The following ATRNL1 variants were observed in gnomAD, a reference collection of about 807,000 sequenced individuals.
ATRNL1 encodes the protein attractin-like protein 1.
In ATRNL1, 95 loss-of-function variants were observed where a neutral mutation model predicts 182.7. The ratio of observed to expected loss-of-function variants is 0.52; its 90% confidence interval spans 0.44 to 0.62. The LOEUF is 0.62. Ranked by LOEUF, ATRNL1 falls within the 20% of genes least tolerant of loss-of-function variation. ATRNL1 has a pLI of 0.00. For synonymous variants in ATRNL1, 576 were observed against 568.3 expected (o/e 1.01, Z -0.19); for missense variants, 1,471 against 1,679.5 (o/e 0.88, Z 2.17).
At chr10:115,627,386 A>G (rs757377518) in intron 26 of ATRNL1, among the ~76,000 whole-genome samples, 6 of 151,842 alleles carry the variant, frequency 4.0e-5, no homozygotes, top group Middle Eastern at 3.4e-3. Flanking sequence ...TTTTTTTGAG[A>G]CATAGTCTCA....
chr10:115,504,493 G>T (rs1576151), intron 24 of ATRNL1, among the ~76,000 whole-genome samples: 1 of 151,832 alleles, frequency 6.6e-6, no homozygotes, highest in African/African-American at 2.4e-5. Flanking sequence ...TTAAACTCAT[G>T]TTAATGTCTT....
At chr10:115,460,191 C>G (rs1554969463) in intron 21 of ATRNL1, among the ~76,000 whole-genome samples, 1 of 152,110 alleles carries the variant, frequency 6.6e-6, no homozygotes, top group South Asian at 2.1e-4. Context: ...AAGACAATTT[C>G]CTGCCTTCCT....
chr10:115,377,277 A>G (rs1249187444), intron 19 of ATRNL1, among the ~76,000 whole-genome samples: 5 of 152,108 alleles, frequency 3.3e-5, no homozygotes, highest in African/African-American at 7.2e-5. Context: ...GTAGTGAATA[A>G]GTCTCACGAG....
chr10:115,333,237 G>C (rs1337799866), intron 18 of ATRNL1, among the ~76,000 whole-genome samples: 2 of 152,102 alleles, frequency 1.3e-5, no homozygotes, highest in African/African-American at 4.8e-5. Flanking sequence ...ACCAGACTAA[G>C]TTAATTTTAT....
intron 24 of ATRNL1, among the ~76,000 whole-genome samples, chr10:115,501,952 T>G (rs113862851): frequency 4.3e-4 from 66 of 152,244 alleles, no homozygotes; most frequent in African/African-American, 1.6e-3. Flanking sequence ...TAGAGTTTTA[T>G]AGCTGATTAT....
intron 24 of ATRNL1, among the ~76,000 whole-genome samples, chr10:115,517,558 TTTTA>T (rs1374041910): frequency 1.3e-5 from 2 of 151,972 alleles, no homozygotes; most frequent in East Asian, 3.9e-4. Context: ...ATGTTTATTA[TTTTA>T]TTTGTTATTT....
At chr10:115,466,401 A>G (rs1848054144) in intron 22 of ATRNL1, among the ~76,000 whole-genome samples, 1 of 151,314 alleles carries the variant, frequency 6.6e-6, no homozygotes, top group African/African-American at 2.4e-5. Flanking sequence ...AGCTAAACTT[A>G]CCCATTATGA....
chr10:115,098,400 T>C (rs1328676617), intron 1 of ATRNL1, among the ~76,000 whole-genome samples: 1 of 151,586 alleles, frequency 6.6e-6, no homozygotes, highest in African/African-American at 2.4e-5. Flanking sequence ...CTCTCTGGTC[T>C]TTGCTTGGGT....
chr10:115,184,110 A>G (rs1205003380), intron 8 of ATRNL1, among the ~76,000 whole-genome samples: 1 of 151,518 alleles, frequency 6.6e-6, no homozygotes, highest in Non-Finnish European at 1.5e-5. Flanking sequence ...ACTATTATGA[A>G]ATATATTAAT....
At chr10:115,308,689 T>G (rs1203641166) in intron 17 of ATRNL1, among the ~76,000 whole-genome samples, 2 of 152,152 alleles carry the variant, frequency 1.3e-5, no homozygotes, top group African/African-American at 4.8e-5. Context: ...CACATAACTT[T>G]AGGAACAATA....
intron 10 of ATRNL1, among the ~76,000 whole-genome samples, chr10:115,263,584 C>T (rs1554909416): frequency 6.6e-6 from 1 of 151,732 alleles, no homozygotes; most frequent in African/African-American, 2.4e-5. Flanking sequence ...TCACTGGATT[C>T]TTATAAAGAC....
intron 28 of ATRNL1, among the ~76,000 whole-genome samples, chr10:115,862,687 C>T (rs528245340): frequency 6.6e-6 from 1 of 152,114 alleles, no homozygotes; most frequent in Non-Finnish European, 1.5e-5. Flanking sequence ...ACCCAGCAGT[C>T]CCACTTCTAG....
At chr10:115,382,758 G>T (rs1858095981) in intron 19 of ATRNL1, among the ~76,000 whole-genome samples, 1 of 147,544 alleles carries the variant, frequency 6.8e-6, no homozygotes, top group African/African-American at 2.5e-5. Context: ...ATAAAAATAA[G>T]TGGCAAGAGC....
At chr10:115,547,721 A>G (rs1554994246) in intron 25 of ATRNL1, among the ~76,000 whole-genome samples, 2 of 152,214 alleles carry the variant, frequency 1.3e-5, no homozygotes, top group African/African-American at 2.4e-5. Flanking sequence ...GAAAGTATTC[A>G]GGAGAGAGTT....
chr10:115,239,171 A>G (rs535472213), intron 9 of ATRNL1, among the ~76,000 whole-genome samples: 3 of 146,478 alleles, frequency 2.0e-5, no homozygotes, highest in South Asian at 4.4e-4. Context: ...TTTACTGTCC[A>G]CTAGATTATA....
Position 115,121,819 on chromosome 10 carries a change from AATTAT to A in ATRNL1, c.491+11_491+15del, listed in dbSNP as rs1462473341. On this transcript the variant is annotated splice_region_variant and intron_variant, in intron 3 of 28. Transcript: ENST00000355044. ...CTTTAATAGCTGTACTTAGGTGAGT[AATTAT>A]ATTTAATCAGTTGCAGAAAAGTGAC... is the stretch of plus-strand genomic sequence containing the variant. 1.5e-6 allele frequency: 2 copies of A among 1,311,250 alleles called. No individual in the cohort carries two copies. The highest frequency in any genetic ancestry group is 2.1e-6 in the Non-Finnish European group (2 of 936,064). 81.2% of individuals were successfully genotyped at this position (1,311,250 alleles called of 1,614,324 possible). A position where few individuals can be genotyped will look rare whatever the true frequency, so the allele number is the denominator to read the frequency against.
chr10:115,920,984 G>T (rs1371993352), intron 28 of ATRNL1, among the ~76,000 whole-genome samples: 1 of 152,124 alleles, frequency 6.6e-6, no homozygotes, highest in Non-Finnish European at 1.5e-5. Flanking sequence ...AACAGAAATG[G>T]TTATTGAAAT....
chr10:115,779,151 C>T (rs1483042059), intron 27 of ATRNL1, among the ~76,000 whole-genome samples: 1 of 152,160 alleles, frequency 6.6e-6, no homozygotes, highest in Non-Finnish European at 1.5e-5. Flanking sequence ...CTTAAAGAAG[C>T]TTCAGAAATT....
chr10:115,402,184 C>T (rs782359228), intron 20 of ATRNL1, among the ~76,000 whole-genome samples: 1 of 152,060 alleles, frequency 6.6e-6, no homozygotes, highest in Non-Finnish European at 1.5e-5. Context: ...TATAAATATG[C>T]AAAACTACTT....
Sources: gnomAD v4.1 joint callset for allele counts (sites outside exome capture counted in the v4.1 genomes callset) on GRCh38, gnomAD v4.1.1 for gene constraint, MANE v1.5 for transcripts, NCBI Gene and HGNC (gene_info 2026-07-23, HGNC 2026-07-21) for gene names.